The following PPM1B variants were observed in gnomAD, a reference collection of about 807,000 sequenced individuals.
The protein encoded by PPM1B is protein phosphatase 1B.
In PPM1B, 22 loss-of-function variants were observed where a neutral mutation model predicts 43.0. The ratio of observed to expected loss-of-function variants is 0.51; its 90% CI spans 0.37 to 0.73. The LOEUF (loss-of-function observed/expected upper bound fraction) is 0.73, where lower values mean the gene tolerates loss of function less well. PPM1B is among the 30% of genes least tolerant of loss of function. PPM1B has a pLI of 0.00. For missense variants in PPM1B, 632 were observed against 584.2 expected, an observed-to-expected ratio of 1.08 and a Z score of -0.84; for synonymous variants, 217 against 197.9, an observed-to-expected ratio of 1.10 and a Z score of -0.81.
downstream of PPM1B, chr2:44,233,041 A>G (rs555624228): frequency 4.0e-5 from 39 of 983,064 alleles, no homozygotes; most frequent in Non-Finnish European, 4.5e-5. Flanking sequence ...TTGAAACCAA[A>G]TGGATTAATT....
At position 44,188,377 on chromosome 2, in the gene PPM1B, GTTTC is replaced by G. The variant is rs200322754; in HGVS notation, c.-14-12793_-14-12790del. Among the ~76,000 whole-genome samples the G allele has an allele frequency of 2.8e-3, 393 of 142,514 alleles. 6 individuals are homozygous for G. Among genetic ancestry groups the G allele is most frequent in the African/African-American group, 9.7e-3 (361 of 37,274 alleles). The allele number at this position is 142,514 out of a possible 152,430, so 93.5% of individuals were successfully genotyped here. A position where few individuals can be genotyped will look rare whatever the true frequency, so the allele number is the denominator to read the frequency against. On this transcript the variant is annotated intron_variant, in intron 1 of 5. Coordinates refer to ENST00000282412, the MANE Select transcript of PPM1B (RefSeq NM_002706.6). Reference sequence around the variant, plus strand: ...TTTATCATGGCTTTAGTGCTGCTGAGTTTCTTTCTTTCTTTCTTTTTTTTTTTTT... The same window carrying G: ...TTTATCATGGCTTTAGTGCTGCTGAGTTTCTTTCTTTCTTTTTTTTTTTTT...
At chr2:44,210,808 T>C (rs866696036) in intron 3 of PPM1B, among the ~76,000 whole-genome samples, 1 of 152,038 alleles carries the variant, frequency 6.6e-6, no homozygotes, top group East Asian at 1.9e-4. Context: ...AAAACGAAGA[T>C]TACATGACAC....
intron 5 of PPM1B, among the ~76,000 whole-genome samples, chr2:44,221,045 T>C (rs781131318): frequency 6.6e-6 from 1 of 152,208 alleles, no homozygotes; most frequent in African/African-American, 2.4e-5. Context: ...GACCACCTTA[T>C]GTTTAGAGCA....
At chr2:44,192,371 A>G (rs1191937307) in intron 1 of PPM1B, among the ~76,000 whole-genome samples, 1 of 151,914 alleles carries the variant, frequency 6.6e-6, no homozygotes, top group East Asian at 1.9e-4. Context: ...CCCACAAACC[A>G]TGCCCGGCTA....
intron 5 of PPM1B, among the ~76,000 whole-genome samples, chr2:44,240,417 G>A (rs755976586): frequency 6.9e-6 from 1 of 145,192 alleles, no homozygotes; most frequent in Non-Finnish European, 1.5e-5. Context: ...CAAGTCATGT[G>A]GGAGCCTAAG....
downstream of PPM1B, chr2:44,233,134 A>G (rs1670516188): frequency 2.0e-6 from 2 of 977,526 alleles, no homozygotes; most frequent in Non-Finnish European, 2.4e-6. Flanking sequence ...GTAAATTGTG[A>G]TTTTTGTTTT....
intron 5 of PPM1B, among the ~76,000 whole-genome samples, chr2:44,243,024 GA>G (rs960735280): frequency 3.7e-4 from 56 of 151,830 alleles, no homozygotes; most frequent in African/African-American, 1.2e-3. Flanking sequence ...CCTAATTTTT[GA>G]AAAAAACACA....
chr2:44,172,066 G>C (rs1443792822), intron 1 of PPM1B, among the ~76,000 whole-genome samples: 1 of 152,076 alleles, frequency 6.6e-6, no homozygotes, highest in Non-Finnish European at 1.5e-5. Flanking sequence ...AATAATAAAA[G>C]TTTGTTTAAT....
At chr2:44,213,975 G>A (rs11694608) in intron 3 of PPM1B, among the ~76,000 whole-genome samples, 2 of 152,162 alleles carry the variant, frequency 1.3e-5, no homozygotes, top group African/African-American at 4.8e-5. Flanking sequence ...TTTAGGAAGA[G>A]CTCTCTAGTT....
At chr2:44,220,021 C>T (rs1169403503) in intron 5 of PPM1B, among the ~76,000 whole-genome samples, 5 of 151,566 alleles carry the variant, frequency 3.3e-5, no homozygotes, top group Non-Finnish European at 7.4e-5. Context: ...CATCAGAGAA[C>T]CCTCAAAGAA....
At chr2:44,208,231 A>C (rs1001581285) in intron 2 of PPM1B, among the ~76,000 whole-genome samples, 1 of 152,112 alleles carries the variant, frequency 6.6e-6, no homozygotes, top group Admixed American at 6.6e-5. Context: ...GGTGTGGTTA[A>C]AAGGGAGAAA....
intron 5 of PPM1B, among the ~76,000 whole-genome samples, chr2:44,221,274 G>A (rs540233983): frequency 9.9e-5 from 15 of 152,170 alleles, no homozygotes; most frequent in African/African-American, 3.1e-4. Context: ...TTTTAAATGG[G>A]GAAATATTAT....
At chr2:44,214,142 C>T (rs1041179942) in intron 3 of PPM1B, among the ~76,000 whole-genome samples, 2 of 152,150 alleles carry the variant, frequency 1.3e-5, no homozygotes, top group Non-Finnish European at 2.9e-5. Flanking sequence ...TGCAGTGGCG[C>T]GATCTCGGCT....
At chr2:44,194,860 A>G (rs1048413903) in intron 1 of PPM1B, among the ~76,000 whole-genome samples, 3 of 149,554 alleles carry the variant, frequency 2.0e-5, no homozygotes, top group African/African-American at 4.9e-5. Context: ...CAGAGTCTCT[A>G]TAGTTCACTC....
chr2:44,239,681 C>T (rs1241086896), intron 5 of PPM1B, among the ~76,000 whole-genome samples: 1 of 152,114 alleles, frequency 6.6e-6, no homozygotes, highest in African/African-American at 2.4e-5. Flanking sequence ...TACCTTCCAG[C>T]CATTTTAGAA....
chr2:44,211,529 G>T (rs1007729181), intron 3 of PPM1B, among the ~76,000 whole-genome samples: 2 of 151,904 alleles, frequency 1.3e-5, no homozygotes, highest in African/African-American at 2.4e-5. Flanking sequence ...GACTTGCTTG[G>T]GTTGTTGTCT....
intron 1 of PPM1B, among the ~76,000 whole-genome samples, chr2:44,179,957 C>T (rs534552604): frequency 1.4e-4 from 21 of 147,630 alleles, no homozygotes; most frequent in Admixed American, 5.6e-4. Context: ...TGCAGTGAGC[C>T]GAGATCCTAC....
downstream of PPM1B, among the ~76,000 whole-genome samples, chr2:44,245,536 C>T (rs1210334362): frequency 6.6e-6 from 1 of 152,202 alleles, no homozygotes; most frequent in African/African-American, 2.4e-5. Flanking sequence ...GTCACATATG[C>T]TAACAACTTT....
intron 5 of PPM1B, among the ~76,000 whole-genome samples, chr2:44,227,516 A>ATT (rs1490911361): frequency 7.0e-6 from 1 of 142,720 alleles, no homozygotes; most frequent in Non-Finnish European, 1.5e-5. Context: ...ACACAGTATC[A>ATT]TCTTTTTTTT....
Sources: allele counts gnomAD v4.1 joint callset (sites outside exome capture counted in the v4.1 genomes callset), GRCh38; gene constraint gnomAD v4.1.1; transcripts MANE v1.5; gene names NCBI Gene and HGNC (gene_info 2026-07-23, HGNC 2026-07-21).